EIF2B3: variants seen among roughly 807,000 people sequenced by gnomAD.
EIF2B3 encodes the protein translation initiation factor eIF2B subunit gamma.
EIF2B3 carries 20 observed loss-of-function variants against 54.1 expected under a neutral mutation model. The observed-to-expected ratio is 0.37, with a 90% CI of 0.26 to 0.54. The LOEUF (loss-of-function observed/expected upper bound fraction) is 0.54. Among genes scored for constraint, EIF2B3 ranks in the 20% least tolerant of loss-of-function variants. The pLI, the probability that EIF2B3 is intolerant of heterozygous loss-of-function variation, is 0.86. For missense variants in EIF2B3, 448 were observed against 547.8 expected, an observed-to-expected ratio of 0.82 and a Z score of 1.82; for synonymous variants, 153 against 188.1, an observed-to-expected ratio of 0.81 and a Z score of 1.52.
rs796442313 is a variant in EIF2B3 at position 44,982,764 on chromosome 1, C to T, written c.-9-1587G>A. Reference sequence around the variant, plus strand: ...TACAGGTGGGTACCACCATGCCTGGCTTTTTTTTTTTTTTTGAGACGGAGT... The same window carrying T: ...TACAGGTGGGTACCACCATGCCTGGTTTTTTTTTTTTTTTTGAGACGGAGT... On this transcript the variant is annotated intron_variant, in intron 1 of 11. Coordinates refer to ENST00000360403, the MANE Select transcript of EIF2B3 (RefSeq NM_020365.5). 3.7e-4 allele frequency among the ~76,000 whole-genome samples: 51 copies of T among 138,712 alleles called. 1 individual carries two copies. Among genetic ancestry groups the T allele is most frequent in the African/African-American group, 1.2e-3 (46 of 37,956 alleles). 91.0% of individuals were successfully genotyped at this position (138,712 alleles called of 152,430 possible).
In EIF2B3 at chr1:44,881,207, G is replaced by C. The variant is rs1655390069; in HGVS notation, c.784+405C>G. ...CACGGAGACACCTGGGTTGGCCTGT[G>C]GTTGGACTGCAATTGTACATTCCTT... On this transcript the variant is annotated intron_variant, in intron 7 of 11. Transcript: ENST00000360403. This position sits in a 1 kb window ranked among gnomAD's most constrained non-coding sequence, Gnocchi z 4.0. Among the ~76,000 whole-genome samples, 1 of 152,202 alleles carries C rather than the reference G, an allele frequency of 6.6e-6. No homozygotes were observed. The highest frequency in any genetic ancestry group is 2.1e-4 in the South Asian group (1 of 4,824).
At chr1:44,923,299 C>T (rs747135845) in intron 5 of EIF2B3, among the ~76,000 whole-genome samples, 16 of 152,164 alleles carry the variant, frequency 1.1e-4, no homozygotes, top group Non-Finnish European at 1.8e-4. Context: ...GTCTAGTAAG[C>T]TTTCTCAAAA....
chr1:44,920,753 G>T (rs1643723386), intron 5 of EIF2B3, among the ~76,000 whole-genome samples: 2 of 152,128 alleles, frequency 1.3e-5, no homozygotes, highest in Admixed American at 1.3e-4. Context: ...GTACTTAATT[G>T]TGTATATGTA....
chr1:44,965,264 A>G (rs936764096), intron 3 of EIF2B3, among the ~76,000 whole-genome samples: 2 of 152,230 alleles, frequency 1.3e-5, no homozygotes, highest in African/African-American at 4.8e-5. Context: ...AAACTAATTA[A>G]GAGTTTATAC....
At chr1:44,893,022 C>T (rs569158924) in intron 6 of EIF2B3, among the ~76,000 whole-genome samples, 131 of 152,244 alleles carry the variant, frequency 8.6e-4, no homozygotes, top group African/African-American at 3.0e-3. Flanking sequence ...TGTGCTTACT[C>T]GTGGCTTTCT....
At chr1:44,868,929 G>A (rs1453494986) in intron 10 of EIF2B3, among the ~76,000 whole-genome samples, 4 of 152,200 alleles carry the variant, frequency 2.6e-5, no homozygotes, top group African/African-American at 7.2e-5. Context: ...TCAGCTGGAT[G>A]ACTTCTAAGG....
In EIF2B3 at chr1:44,984,797, CTTTTTT is replaced by C. The variant is rs71040529; in HGVS notation, c.-10+1690_-10+1695del. Among the ~76,000 whole-genome samples the C allele has an allele frequency of 9.0e-5, 8 of 88,536 alleles. 1 individual carries two copies. In the East Asian group the frequency reaches 4.8e-3, roughly 53 times the overall value. The allele number at this position is 88,536 out of a possible 152,430, so 58.1% of individuals were successfully genotyped here. On this transcript the variant is annotated intron_variant, in intron 1 of 11. Coordinates refer to ENST00000360403, the MANE Select transcript of EIF2B3 (RefSeq NM_020365.5). ...GTAAAGCAGACAAAATAATGTCCAT[CTTTTTT>C]TTTTTTTTTTTTTTGAGACGGAGTC...
At chr1:44,971,789 T>C (rs138395998) in intron 3 of EIF2B3, among the ~76,000 whole-genome samples, 6 of 152,076 alleles carry the variant, frequency 3.9e-5, no homozygotes, top group Non-Finnish European at 7.4e-5. Context: ...TCCCAGCACA[T>C]TGGGAGGCTG....
intron 11 of EIF2B3, among the ~76,000 whole-genome samples, chr1:44,853,994 GT>G (rs113200962): frequency 0.18 from 25,100 of 137,300 alleles, 2,234 homozygotes; most frequent in African/African-American, 0.2. Context: ...AGCAGTTAGT[GT>G]TTTTTTTTTT....
chr1:44,926,628 T>C lies in EIF2B3; in HGVS notation c.566A>G (p.Lys189Arg). The C allele has an allele frequency of 6.2e-7, 1 of 1,613,246 alleles. No individual in the cohort carries two copies. The highest frequency in any genetic ancestry group is 8.5e-7 in the Non-Finnish European group (1 of 1,179,352). ...ELVIKGSILQ[K>R]HPRIRFHTGL... ...CAGAAGAAAAAACCCTAGGGCTTAC[T>C]TCTGTAGGATGGATCCCTTAATGAC... The change falls in exon 5 of 12, where the codon AAG (lysine) becomes AGG (arginine). Residue 189 changes from lysine (K) to arginine (R), a missense_variant and splice_region_variant. Around this residue, in one of 3 missense-constraint regions of EIF2B3, gnomAD observed 350 missense variants for 414.2 expected, o/e 0.85. Transcript: ENST00000360403.
intron 3 of EIF2B3, among the ~76,000 whole-genome samples, chr1:44,961,142 C>G (rs1317221837): frequency 6.6e-6 from 1 of 151,298 alleles, no homozygotes; most frequent in Non-Finnish European, 1.5e-5. Context: ...TCAAGAGCAG[C>G]CTGGACAACA....
intron 11 of EIF2B3, among the ~76,000 whole-genome samples, chr1:44,853,135 C>T (rs772055865): frequency 9.9e-5 from 15 of 151,852 alleles, no homozygotes; most frequent in East Asian, 1.9e-4. Flanking sequence ...ATCAATGATG[C>T]GGTGAAAGGT....
intron 10 of EIF2B3, among the ~76,000 whole-genome samples, chr1:44,866,910 G>A (rs1573687983): frequency 6.6e-6 from 1 of 152,202 alleles, no homozygotes; most frequent in African/African-American, 2.4e-5. Flanking sequence ...ATTGGATCTT[G>A]CAAGATGGGT....
intron 5 of EIF2B3, among the ~76,000 whole-genome samples, chr1:44,923,485 G>A (rs780769936): frequency 6.6e-6 from 1 of 152,080 alleles, no homozygotes; most frequent in African/African-American, 2.4e-5. Flanking sequence ...TCTCCTCTCC[G>A]GGAGCTTGTA....
In EIF2B3 at chr1:44,941,406, T is replaced by C. The variant is rs978668650; in HGVS notation, c.454+100A>G. On this transcript the variant is annotated intron_variant, in intron 4 of 11. Transcript: ENST00000360403. ...TCAACTCCTAGCACAGAATCTGTGA[T>C]GTATAGTAGATTCTTAATAAATGTT... is the stretch of plus-strand genomic sequence containing the variant. The C allele has an allele frequency of 1.8e-5, 24 of 1,362,160 alleles. No homozygotes were observed. In the African/African-American group the frequency reaches 2.8e-4, roughly 16 times the overall value. The allele number at this position is 1,362,160 out of a possible 1,614,324, so 84.4% of individuals were successfully genotyped here.
chr1:44,879,837 T>C lies in EIF2B3; in HGVS notation c.956A>G (p.Tyr319Cys). ...LCSRVSTLGLYMEANRQVPKL... is the reference protein window; with the variant it reads ...LCSRVSTLGLCMEANRQVPKL... ...TCTCACCTGTCTGTTTGCTTCCATG[T>C]AGAGTCCCAGTGTGCTCACTCGAGA... Residue 319 changes from tyrosine (Y) to cysteine (C), a missense_variant, in exon 8 of 12, where the codon TAC becomes TGC. Tyr to Cys is a radical substitution (Grantham distance 194). Transcript: ENST00000360403. 6.2e-7 allele frequency: 1 copy of C among 1,614,056 alleles called. No homozygotes were observed. The highest frequency in any genetic ancestry group is 8.5e-7 in the Non-Finnish European group (1 of 1,180,034).
intron 10 of EIF2B3, among the ~76,000 whole-genome samples, chr1:44,858,753 C>T (rs1258272127): frequency 1.3e-5 from 2 of 152,108 alleles, no homozygotes. Flanking sequence ...GAGTGAGCCA[C>T]CGCACCTGGC....
chr1:44,924,303 C>T (rs1169796115), intron 5 of EIF2B3, among the ~76,000 whole-genome samples: 19 of 152,038 alleles, frequency 1.2e-4, no homozygotes, highest in Admixed American at 1.2e-3. Flanking sequence ...CAGACCATTC[C>T]TCTTTGTCAA....
At position 44,981,197 on chromosome 1, in the gene EIF2B3, A is replaced by G; in HGVS notation, c.-9-20T>C. 1 of 1,613,238 alleles carries G rather than the reference A, an allele frequency of 6.2e-7. No homozygotes were observed. On this transcript the variant is annotated intron_variant, in intron 1 of 11. Coordinates refer to ENST00000360403, the MANE Select transcript of EIF2B3 (RefSeq NM_020365.5). ...TACAAACTGCAAGTACAGAAAAAAC[A>G]ATTAACAGAAAAAAAACAATGTAAC...
Sources: allele counts gnomAD v4.1 joint callset (sites outside exome capture counted in the v4.1 genomes callset), GRCh38; gene constraint gnomAD v4.1.1; regional missense constraint gnomAD v4.1.1; non-coding constraint Gnocchi (gnomAD v3.1); transcripts MANE v1.5; gene names NCBI Gene and HGNC (gene_info 2026-07-23, HGNC 2026-07-21).